Variants in SCUBE1 observed in about 807,000 individuals in gnomAD.
SCUBE1 encodes the protein signal peptide, CUB domain and EGF like domain containing 1, also known as signal peptide, CUB and EGF-like domain-containing protein 1.
In SCUBE1, 59 loss-of-function variants were observed where a neutral mutation model predicts 124.4. The observed-to-expected ratio is 0.47, with a 90% CI of 0.38 to 0.59. The LOEUF is 0.59. Among genes scored for constraint, SCUBE1 ranks in the 20% least tolerant of loss-of-function variants. The pLI is 0.00. For synonymous variants in SCUBE1, 545 were observed against 550.9 expected (o/e 0.99, Z 0.15); for missense variants, 1,150 against 1,371.2 (o/e 0.84, Z 2.55).
Position 43,211,144 on chromosome 22 carries a change from G to C in SCUBE1, c.2222-61C>G. On this transcript the variant is annotated intron_variant, in intron 17 of 21. Transcript: ENST00000360835. The surrounding 1 kb of genome is among the most constrained non-coding windows in gnomAD (Gnocchi z 4.5). The stretch of plus-strand genomic sequence containing the variant: ...AGGGGTGCAGGGAAAGGGCAGCACT[G>C]GGGTGCTGTCCCCAGGACCTCTCAT... 6.6e-7 allele frequency: 1 copy of C among 1,508,764 alleles called. No individual in the cohort carries two copies. The highest frequency in any genetic ancestry group is 9.0e-7 in the Non-Finnish European group (1 of 1,107,218). 93.5% of individuals were successfully genotyped at this position (1,508,764 alleles called of 1,614,324 possible).
At chr22:43,267,021 G>A (rs1924096130) in intron 4 of SCUBE1, among the ~76,000 whole-genome samples, 1 of 152,308 alleles carries the variant, frequency 6.6e-6, no homozygotes, top group African/African-American at 2.4e-5. Context: ...AGAGTTGCTG[G>A]GAAGCTGAAA....
chr22:43,330,075 C>A (rs1046174422), intron 2 of SCUBE1, among the ~76,000 whole-genome samples: 8 of 151,106 alleles, frequency 5.3e-5, no homozygotes, highest in East Asian at 1.9e-4. Context: ...AAAAAAAAAA[C>A]CAACATGCAG....
chr22:43,264,760 C>A (rs965883493), intron 4 of SCUBE1, among the ~76,000 whole-genome samples: 7 of 152,220 alleles, frequency 4.6e-5, no homozygotes, highest in African/African-American at 1.7e-4. Flanking sequence ...GCTGGGCAGC[C>A]CCCGAGGGTG....
At chr22:43,204,719 C>A (rs1241649618) in intron 21 of SCUBE1, among the ~76,000 whole-genome samples, 3 of 151,682 alleles carry the variant, frequency 2.0e-5, no homozygotes, top group Non-Finnish European at 4.4e-5. Context: ...CTGAGGCGGG[C>A]AGATCACCTG....
intron 4 of SCUBE1, among the ~76,000 whole-genome samples, chr22:43,274,150 A>G (rs558706258): frequency 3.9e-5 from 6 of 152,288 alleles, no homozygotes; most frequent in African/African-American, 1.4e-4. Context: ...AAGAGTCAAG[A>G]GACTCACTCA....
At chr22:43,281,560 C>T (rs1383463734) in intron 4 of SCUBE1, among the ~76,000 whole-genome samples, 13 of 120,394 alleles carry the variant, frequency 1.1e-4, no homozygotes, top group Middle Eastern at 3.9e-3. Context: ...GTCACCTCCC[C>T]CTCAGCCACC....
chr22:43,343,245 A>G lies in SCUBE1; in HGVS notation c.17T>C (p.Val6Ala). MGAAA[V>A]RWHLCVLLAL... ...CAGCAGCACGCACAAGTGCCAGCGC[A>G]CGGCCGCCGCGCCCATGCTCAATGC... Residue 6 changes from valine to alanine, a missense_variant, in exon 1 of 22, where the codon GTG becomes GCG. By Grantham distance (64) the Val-to-Ala change is moderately conservative. Coordinates refer to ENST00000360835, the MANE Select transcript of SCUBE1 (RefSeq NM_173050.5). The G allele has an allele frequency of 8.4e-7, 1 of 1,187,594 alleles. No individual in the cohort carries two copies. Among genetic ancestry groups the G allele is most frequent in the Non-Finnish European group, 1.0e-6 (1 of 955,438 alleles). The allele number at this position is 1,187,594 out of a possible 1,614,324, so 73.6% of individuals were successfully genotyped here.
intron 4 of SCUBE1, 93 bp downstream of exon 4, chr22:43,290,953 T>A (rs1814980014): frequency 7.2e-7 from 1 of 1,396,166 alleles, no homozygotes; most frequent in Non-Finnish European, 9.5e-7. Context: ...TGCCTTGACC[T>A]TGAGGGCCCC....
Position 43,223,213 on chromosome 22 carries a change from G to A in SCUBE1, c.1211C>T (p.Thr404Ile), listed in dbSNP as rs753690826. The change falls in exon 11 of 22, where the codon ACA (threonine) becomes ATA (isoleucine). Residue 404 changes from threonine to isoleucine, a missense_variant. By Grantham distance (89) the Thr-to-Ile change is moderately conservative (BLOSUM62 -1). Transcript: ENST00000360835. Reference sequence around the variant, plus strand: ...CTTGGCGCGAGAAAGACACTTGCCTGTCTCTATGAAGGGAGATACGAGAGA... The same window carrying A: ...CTTGGCGCGAGAAAGACACTTGCCTATCTCTATGAAGGGAGATACGAGAGA... ...LHWNGKDCVE[T>I]GKCLSRAKTS... The A allele has an allele frequency of 2.5e-6, 4 of 1,570,684 alleles. No individual in the cohort carries two copies. The South Asian group carries it at 4.8e-5, about 19-fold the overall frequency.
At position 43,212,319 on chromosome 22, in the gene SCUBE1, G is replaced by C. The variant is rs1921598486; in HGVS notation, c.2221+106C>G. 10 of 1,277,058 alleles carry C rather than the reference G, an allele frequency of 7.8e-6. No individual in the cohort carries two copies. The South Asian group carries it at 1.3e-4, about 17-fold the overall frequency. 79.1% of individuals were successfully genotyped at this position (1,277,058 alleles called of 1,614,324 possible). A position where few individuals can be genotyped will look rare whatever the true frequency, so the allele number is the denominator to read the frequency against. ...AGCTCCAGGCTCCTCCTCTGAGCTG[G>C]GAGGTTCGCCACATGGAGGAGATGA... On this transcript the variant is annotated intron_variant, in intron 17 of 21. Transcript: ENST00000360835.
chr22:43,209,177 G>A (rs767464011), intron 19 of SCUBE1, among the ~76,000 whole-genome samples: 2 of 152,124 alleles, frequency 1.3e-5, no homozygotes, highest in African/African-American at 4.8e-5. Context: ...AACTCTGGAG[G>A]AGCAGCCCTG....
At chr22:43,292,813 G>C (rs865793826) in intron 3 of SCUBE1, among the ~76,000 whole-genome samples, 88 of 152,312 alleles carry the variant, frequency 5.8e-4, no homozygotes, top group African/African-American at 2.1e-3. Flanking sequence ...GGCCGACAGC[G>C]AGGCCATTAT....
At chr22:43,213,464 C>A (rs535501272) in intron 16 of SCUBE1, 3 of 152,224 alleles carry the variant, frequency 2.0e-5, no homozygotes, top group African/African-American at 7.2e-5. Context: ...ACCTTCCCCG[C>A]GGATTCTCTT....
rs1394163726 is a variant in SCUBE1, at chr22:43,255,123, C to T, written c.727+3096G>A. 6.6e-6 allele frequency among the ~76,000 whole-genome samples: 1 copy of T among 152,246 alleles called. No homozygotes were observed. The highest frequency in any genetic ancestry group is 1.5e-5 in the Non-Finnish European group (1 of 68,052). ...AATCCTAACTGTGAATGTGGGTGTT[C>T]ACGCAAGTCGGGGAGCTTTACGACA... On this transcript the variant is annotated intron_variant, in intron 6 of 21. Coordinates refer to ENST00000360835, the MANE Select transcript of SCUBE1 (RefSeq NM_173050.5). The surrounding 1 kb of genome is among the most constrained non-coding windows in gnomAD (Gnocchi z 4.7).
chr22:43,249,305 G>A (rs943672602), intron 6 of SCUBE1, among the ~76,000 whole-genome samples: 46 of 151,852 alleles, frequency 3.0e-4, no homozygotes, highest in African/African-American at 8.9e-4. Flanking sequence ...AGGTACGGGC[G>A]GGGTGGAGGG....
chr22:43,251,571 A>C (rs1216770782), intron 6 of SCUBE1, among the ~76,000 whole-genome samples: 1 of 152,106 alleles, frequency 6.6e-6, no homozygotes, highest in South Asian at 2.1e-4. Context: ...CAGAGCTGTG[A>C]GGACTGGGGC....
At chr22:43,328,159 C>G (rs1364208978) in intron 2 of SCUBE1, among the ~76,000 whole-genome samples, 1 of 152,166 alleles carries the variant, frequency 6.6e-6, no homozygotes, top group African/African-American at 2.4e-5. Context: ...TAATTATTTC[C>G]TTTCTCCCTC....
At chr22:43,267,882 C>T (rs1297524923) in intron 4 of SCUBE1, among the ~76,000 whole-genome samples, 1 of 152,222 alleles carries the variant, frequency 6.6e-6, no homozygotes, top group Non-Finnish European at 1.5e-5. Flanking sequence ...CAGCTGGGGC[C>T]ATGAGGGCTA....
At chr22:43,243,491 C>T (rs1601823698) in intron 6 of SCUBE1, among the ~76,000 whole-genome samples, 1 of 152,274 alleles carries the variant, frequency 6.6e-6, no homozygotes, top group Non-Finnish European at 1.5e-5. Flanking sequence ...TGCATGCAGC[C>T]TGCCAGCGCT....
Sources: allele counts gnomAD v4.1 joint callset (sites outside exome capture counted in the v4.1 genomes callset), GRCh38; gene constraint gnomAD v4.1.1; non-coding constraint Gnocchi (gnomAD v3.1); transcripts MANE v1.5; gene names NCBI Gene and HGNC (gene_info 2026-07-23, HGNC 2026-07-21).